The following DSC1 variants were observed in gnomAD, a reference collection of about 807,000 sequenced individuals.
DSC1 encodes the protein desmocollin 1, also known as desmocollin-1.
DSC1 carries 79 observed loss-of-function variants against 98.8 expected under a neutral mutation model. That is an observed-to-expected ratio of 0.80 (90% CI 0.67 to 0.96). The LOEUF (loss-of-function observed/expected upper bound fraction) is 0.96, where lower values mean the gene tolerates loss of function less well. DSC1 is among the 50% of genes least tolerant of loss of function. The probability of loss-of-function intolerance (pLI) is 0.00; values close to 1 mark genes in which losing one functional copy is unlikely to be tolerated. For missense variants in DSC1, 1,115 were observed against 1,075.9 expected (o/e 1.04, Z -0.51); for synonymous variants, 405 against 372.1 (o/e 1.09, Z -1.02).
intron 9 of DSC1, among the ~76,000 whole-genome samples, chr18:31,141,610 C>A (rs2420208): frequency 0.44 from 67,543 of 151,896 alleles, 16,536 homozygotes; most frequent in East Asian, 0.76. Flanking sequence ...ATAAAATGTA[C>A]TATGAACATG....
chr18:31,137,536 T>C (rs1160716906), intron 11 of DSC1, among the ~76,000 whole-genome samples: 2 of 152,182 alleles, frequency 1.3e-5, no homozygotes, highest in Non-Finnish European at 2.9e-5. Context: ...TTCTGCCAGA[T>C]ACTTGGAAAG....
intron 7 of DSC1, among the ~76,000 whole-genome samples, chr18:31,145,100 C>T (rs1056711943): frequency 1.3e-5 from 2 of 152,034 alleles, no homozygotes; most frequent in East Asian, 3.9e-4. Context: ...CCACCAAGCC[C>T]GGCTAATTTC....
intron 12 of DSC1, 98 bp downstream of exon 12, chr18:31,134,474 C>T (rs1006701817): frequency 1.9e-5 from 21 of 1,079,260 alleles, no homozygotes; most frequent in Non-Finnish European, 2.6e-5. Flanking sequence ...AAAATAATTT[C>T]CTAAAATAAA....
chr18:31,146,652 GTAAT>G (rs1988852922), intron 6 of DSC1, among the ~76,000 whole-genome samples: 1 of 152,078 alleles, frequency 6.6e-6, no homozygotes, highest in South Asian at 2.1e-4. Context: ...AGTTCTTTGA[GTAAT>G]CTCCAAACTG....
intron 11 of DSC1, among the ~76,000 whole-genome samples, chr18:31,137,664 C>T (rs1186143456): frequency 6.6e-6 from 1 of 151,386 alleles, no homozygotes; most frequent in Admixed American, 6.6e-5. Context: ...GAAGCCACAC[C>T]ATATATGATA....
At chr18:31,142,246 A>T in intron 8 of DSC1, 62 bp from the exon 9 acceptor site, 1 of 1,520,370 alleles carries the variant, frequency 6.6e-7, no homozygotes, top group Non-Finnish European at 8.9e-7. Flanking sequence ...TTTATATTCT[A>T]AAACACGTAT....
chr18:31,138,148 CT>C (rs925781152), intron 11 of DSC1, among the ~76,000 whole-genome samples: 1 of 151,994 alleles, frequency 6.6e-6, no homozygotes, highest in South Asian at 2.1e-4. Flanking sequence ...TTAAAGTTTG[CT>C]TTTTATTTTC....
At chr18:31,146,513 T>C (rs2144939879) in intron 6 of DSC1, among the ~76,000 whole-genome samples, 1 of 152,348 alleles carries the variant, frequency 6.6e-6, no homozygotes, top group Admixed American at 6.5e-5. Flanking sequence ...ATTCATTTCA[T>C]GTCTTTGCTA....
intron 9 of DSC1, 26 bp downstream of exon 9, chr18:31,141,973 A>G (rs1460377955): frequency 2.5e-6 from 4 of 1,584,914 alleles, no homozygotes; most frequent in Non-Finnish European, 3.4e-6. Flanking sequence ...ATTTTAAAGC[A>G]TAGCCTGATT....
intron 11 of DSC1, among the ~76,000 whole-genome samples, chr18:31,138,670 CA>C (rs1224340489): frequency 4.0e-5 from 6 of 150,710 alleles, no homozygotes; most frequent in Admixed American, 4.0e-4. Context: ...TCACTACTAC[CA>C]ACTTATATTA....
Position 31,148,632 on chromosome 18 carries a change from T to C in DSC1, c.638A>G (p.Tyr213Cys), listed in dbSNP as rs779519704. Residue 213 changes from tyrosine (Y) to cysteine (C), a missense_variant, in exon 6 of 16, where the codon TAT (tyrosine) becomes TGT (cysteine). Tyr to Cys is a radical substitution (Grantham distance 194, BLOSUM62 -2). Transcript: ENST00000257198. ...TGCATAGCCATCTGCAGTTGTTGCATAGCCATATAACTGAAAGAAGGGAAA... is the reference window on the plus strand; with the variant it reads ...TGCATAGCCATCTGCAGTTGTTGCACAGCCATATAACTGAAAGAAGGGAAA... ...EKYEQFALYG[Y>C]ATTADGYAPE... 1 of 1,589,346 alleles carries C rather than the reference T, an allele frequency of 6.3e-7. No homozygotes were observed. Among genetic ancestry groups the C allele is most frequent in the Non-Finnish European group, 8.6e-7 (1 of 1,163,162 alleles).
Position 31,130,567 on chromosome 18 carries a change from CT to C in DSC1, c.2631del (p.Asp878IlefsTer10). 6.2e-7 allele frequency: 1 copy of C among 1,614,148 alleles called. No individual in the cohort carries two copies. Among genetic ancestry groups the C allele is most frequent in the South Asian group, 1.1e-5 (1 of 91,080 alleles). ...GTCCTAAATTTGGGTTCCAGGTGAT[CT>C]AGAAACTCCAGTCCCTCTTCTTCCT... The part of the protein sequence containing the change: ...DRQEEEGLEF[L>X]DHLEPKFRTL... On this transcript the variant is annotated frameshift_variant, in exon 16 of 16. Transcript: ENST00000257198. LOFTEE classifies it high-confidence loss of function.
intron 11 of DSC1, among the ~76,000 whole-genome samples, chr18:31,138,987 T>A (rs1356699020): frequency 6.6e-6 from 1 of 152,060 alleles, no homozygotes; most frequent in African/African-American, 2.4e-5. Context: ...ATTTTTATCA[T>A]CCTCTTTTAA....
At chr18:31,153,422 G>C (rs1989037880) in intron 5 of DSC1, among the ~76,000 whole-genome samples, 1 of 151,994 alleles carries the variant, frequency 6.6e-6, no homozygotes, top group Non-Finnish European at 1.5e-5. Flanking sequence ...GTAAGAACTT[G>C]GATACACTAT....
At chr18:31,157,253 G>T in intron 3 of DSC1, 118 bp downstream of exon 3, 1 of 1,106,166 alleles carries the variant, frequency 9.0e-7, no homozygotes. Flanking sequence ...AAGTGGAAAA[G>T]ACAAATTTGT....
chr18:31,152,180 A>C (rs1989014264), intron 5 of DSC1, among the ~76,000 whole-genome samples: 1 of 151,964 alleles, frequency 6.6e-6, no homozygotes. Flanking sequence ...AACAAAAAAA[A>C]ACAAGATAAT....
At chr18:31,154,358 C>T (rs1003887031) in intron 5 of DSC1, among the ~76,000 whole-genome samples, 1 of 151,352 alleles carries the variant, frequency 6.6e-6, no homozygotes, top group Non-Finnish European at 1.5e-5. Context: ...GACTGGATCT[C>T]ATCCCAGAAC....
At chr18:31,136,659 C>T (rs551774406) in intron 11 of DSC1, among the ~76,000 whole-genome samples, 7 of 152,288 alleles carry the variant, frequency 4.6e-5, no homozygotes, top group South Asian at 4.1e-4. Context: ...ATAAAATACA[C>T]TAACACCAAT....
Position 31,131,729 on chromosome 18 carries a change from T to C in DSC1, c.2352A>G (p.Lys784=), listed in dbSNP as rs1988495115. 6.2e-7 allele frequency: 1 copy of C among 1,613,998 alleles called. No individual in the cohort carries two copies. Among genetic ancestry groups the C allele is most frequent in the African/African-American group, 1.3e-5 (1 of 74,926 alleles). The change falls in exon 15 of 16, where the codon AAA becomes AAG. Residue 784 remains lysine, a synonymous_variant. Coordinates refer to ENST00000257198, the MANE Select transcript of DSC1 (RefSeq NM_024421.2). ...IKTQQSFEMV[K]GGYTLDSNKG... is the part of the protein sequence containing the mutation. Reference sequence around the variant, plus strand: ...TGTTGGAATCCAAAGTGTAGCCTCCTTTGACCATCTCAAAACTTTGCTGTG... The same window carrying C: ...TGTTGGAATCCAAAGTGTAGCCTCCCTTGACCATCTCAAAACTTTGCTGTG...
Sources: allele counts gnomAD v4.1 joint callset (sites outside exome capture counted in the v4.1 genomes callset), GRCh38; gene constraint gnomAD v4.1.1; transcripts MANE v1.5; gene names NCBI Gene and HGNC (gene_info 2026-07-23, HGNC 2026-07-21).